TMEM176A: variants seen among roughly 807,000 people sequenced by gnomAD.
TMEM176A encodes transmembrane protein 176A.
TMEM176A carries 20 observed loss-of-function variants against 27.9 expected under a neutral mutation model. The ratio of observed to expected loss-of-function variants is 0.72; its 90% confidence interval spans 0.50 to 1.04. The LOEUF is 1.04. TMEM176A is among the 50% of genes least tolerant of loss of function. TMEM176A has a pLI of 0.00. For synonymous variants in TMEM176A, 125 were observed against 118.0 expected, an observed-to-expected ratio of 1.06 and a Z score of -0.38; for missense variants, 252 against 289.1, an observed-to-expected ratio of 0.87 and a Z score of 0.93.
chr7:150,802,180 C>A lies in TMEM176A; in HGVS notation c.175-35C>A, dbSNP rs933016980. On this transcript the variant is annotated intron_variant, in intron 2 of 6. Coordinates refer to ENST00000004103, the MANE Select transcript of TMEM176A (RefSeq NM_018487.3). ...TTAATCCCTGCAGTGGCAGGTCCAC[C>A]TAGGAGCCGGGATCTTGGGTCCTTT... 1.9e-6 allele frequency: 3 copies of A among 1,592,870 alleles called. No individual in the cohort carries two copies. In the African/African-American group the frequency reaches 4.0e-5, roughly 21 times the overall value.
Position 150,801,218 on chromosome 7 carries a change from G to T in TMEM176A, c.-15-318G>T, listed in dbSNP as rs868298738. ...AGGCCGCAGGAAGAGCCCGGGAGGA[G>T]GGGGTGAGGGGTCGAGGTGTGGGGC... On this transcript the variant is annotated intron_variant, in intron 1 of 6. Transcript: ENST00000004103. 82 of 228,284 alleles carry T rather than the reference G, an allele frequency of 3.6e-4. No individual in the cohort carries two copies. The Middle Eastern group carries it at 7.1e-3, about 20-fold the overall frequency. 14.1% of individuals were successfully genotyped at this position (228,284 alleles called of 1,614,324 possible).
intron 3 of TMEM176A, 162 bp from the exon 4 acceptor site, chr7:150,803,238 G>C: frequency 7.3e-7 from 1 of 1,368,290 alleles, no homozygotes. Flanking sequence ...GTTGGATCCA[G>C]GCTCCACCCT....
intron 5 of TMEM176A, 40 bp from the exon 6 acceptor site, chr7:150,804,319 AGCT>A: frequency 6.7e-7 from 1 of 1,484,262 alleles, no homozygotes; most frequent in Non-Finnish European, 9.4e-7. Context: ...GCAGGAAGGC[AGCT>A]GTCATCCTGG....
intron 3 of TMEM176A, 73 bp from the exon 4 acceptor site, chr7:150,803,327 C>T (rs1798855443): frequency 4.6e-6 from 7 of 1,506,108 alleles, no homozygotes; most frequent in Admixed American, 4.7e-5. Context: ...GAAGGGCCTG[C>T]ATGGAGGCTC....
At chr7:150,804,526 G>A in intron 6 of TMEM176A, 54 bp downstream of exon 6, 1 of 1,481,728 alleles carries the variant, frequency 6.7e-7, no homozygotes, top group Non-Finnish European at 9.4e-7. Context: ...CTGCTCAAAG[G>A]AGACAGGAAT....
At chr7:150,800,927 C>T in intron 1 of TMEM176A, 99 bp downstream of exon 1, 1 of 985,634 alleles carries the variant, frequency 1.0e-6, no homozygotes, top group Non-Finnish European at 1.2e-6. Context: ...GGACCCCCAC[C>T]CAGGGATGAC....
rs1362009523 is a variant in TMEM176A, at chr7:150,804,807, T to C, written c.667-20T>C. Reference sequence around the variant, plus strand: ...CTTTCTCTCCCACTCACGATTGTCTTGCCTTTCCTCTTCCATTAGAAAAGA... The same window carrying C: ...CTTTCTCTCCCACTCACGATTGTCTCGCCTTTCCTCTTCCATTAGAAAAGA... On this transcript the variant is annotated intron_variant, in intron 6 of 6. Coordinates refer to ENST00000004103, the MANE Select transcript of TMEM176A (RefSeq NM_018487.3). 2 of 1,614,092 alleles carry C rather than the reference T, an allele frequency of 1.2e-6. No individual in the cohort carries two copies. Among genetic ancestry groups the C allele is most frequent in the Non-Finnish European group, 1.7e-6 (2 of 1,179,924 alleles).
intron 3 of TMEM176A, 100 bp downstream of exon 3, chr7:150,802,425 C>A: frequency 9.4e-7 from 1 of 1,069,338 alleles, no homozygotes; most frequent in South Asian, 1.4e-5. Context: ...TGCTGGCAGT[C>A]GGAGAGATCT....
chr7:150,803,637 G>C lies in TMEM176A; in HGVS notation c.360G>C (p.Leu120=). 6.2e-7 allele frequency: 1 copy of C among 1,613,970 alleles called. No homozygotes were observed. The highest frequency in any genetic ancestry group is 1.3e-5 in the African/African-American group (1 of 75,028). The change falls in exon 5 of 7, where the codon CTG becomes CTC. Residue 120 remains leucine, a synonymous_variant. Transcript: ENST00000004103. ...GGTYWALLRT[L]LTLAAFSTAI... ...CTCCCCAGGCCCTGCTGAGGACTCTGCTAACGCTGGCAGCTTTCTCCACAG... is the reference window on the plus strand; with the variant it reads ...CTCCCCAGGCCCTGCTGAGGACTCTCCTAACGCTGGCAGCTTTCTCCACAG...
At position 150,803,732 on chromosome 7, in the gene TMEM176A, G is replaced by GC. The variant is rs760145922; in HGVS notation, c.456dup (p.Ile153HisfsTer6). Reference sequence around the variant, plus strand: ...TACTCTTATTACAACAGTGCCTGCCGCATCTCCAGCTCGAGTGACTGGAAC... The same window carrying GC: ...TACTCTTATTACAACAGTGCCTGCCGCCATCTCCAGCTCGAGTGACTGGAAC... On this transcript the variant is annotated frameshift_variant, in exon 5 of 7. Transcript: ENST00000004103. LOFTEE classifies it high-confidence loss of function. 4 of 1,614,036 alleles carry GC rather than the reference G, an allele frequency of 2.5e-6. No homozygotes were observed. The African/African-American group carries it at 4.0e-5, about 16-fold the overall frequency.
rs982670946 is a variant in TMEM176A at position 150,803,470 on chromosome 7, A to C, written c.342+14A>C. ...GGTACATACTGGGTAAGTTCAGGGA[A>C]GGGCATGGGAGGGGACCAGGTTCAG... On this transcript the variant is annotated intron_variant, in intron 4 of 6. Transcript: ENST00000004103. The C allele has an allele frequency of 6.3e-7, 1 of 1,584,358 alleles. No homozygotes were observed. The highest frequency in any genetic ancestry group is 1.4e-5 in the African/African-American group (1 of 73,948).
intron 6 of TMEM176A, 152 bp from the exon 7 acceptor site, chr7:150,804,675 C>T (rs2116743708): frequency 1.1e-6 from 1 of 939,478 alleles, no homozygotes; most frequent in Non-Finnish European, 1.7e-6. Context: ...TCAAAGAGCC[C>T]AGGAATCCAG....
chr7:150,801,095 G>A (rs1019997440), intron 1 of TMEM176A: 8 of 629,132 alleles, frequency 1.3e-5, no homozygotes, highest in Non-Finnish European at 1.6e-5. Flanking sequence ...CGGGGATGGG[G>A]GTATCCGGAG....
intron 6 of TMEM176A, 24 bp downstream of exon 6, chr7:150,804,496 G>A (rs747384925): frequency 6.3e-7 from 1 of 1,589,046 alleles, no homozygotes; most frequent in East Asian, 2.2e-5. Context: ...GTGTGTGCCT[G>A]TGTATTTGGG....
At chr7:150,802,869 C>T in intron 3 of TMEM176A, 1 of 988,234 alleles carries the variant, frequency 1.0e-6, no homozygotes, top group East Asian at 1.1e-4. Context: ...ATTACCTTCA[C>T]CCAGCCTGTG....
chr7:150,802,091 C>G, intron 2 of TMEM176A, 124 bp from the exon 3 acceptor site: 2 of 699,682 alleles, frequency 2.9e-6, no homozygotes, highest in Non-Finnish European at 4.9e-6. Context: ...CTTCTCTTCT[C>G]TTCTCTTCTC....
At chr7:150,801,386 T>C (rs1210313299) in intron 1 of TMEM176A, 150 bp from the exon 2 acceptor site, 3 of 715,800 alleles carry the variant, frequency 4.2e-6, no homozygotes, top group Non-Finnish European at 6.8e-6. Flanking sequence ...CACATTCCCC[T>C]CGTGAGGGGC....
chr7:150,804,414 T>G lies in TMEM176A; in HGVS notation c.608T>G (p.Leu203Arg), dbSNP rs773585424. 1 of 1,614,118 alleles carries G rather than the reference T, an allele frequency of 6.2e-7. No individual in the cohort carries two copies. Among genetic ancestry groups the G allele is most frequent in the African/African-American group, 1.3e-5 (1 of 74,932 alleles). Reference protein sequence around the residue: ...AMLLGVWILLLLASLTPLWLY... With the variant: ...AMLLGVWILLRLASLTPLWLY... ...CTCTTGGGTGTCTGGATTCTGCTGC[T>G]TCTGGCATCTCTGACCCCTCTGTGG... Residue 203 changes from leucine (L) to arginine (R), a missense_variant, in exon 6 of 7, where the codon CTT (leucine) becomes CGT (arginine). Leu to Arg is a moderately radical substitution (Grantham distance 102). Transcript: ENST00000004103.
intron 2 of TMEM176A, 91 bp downstream of exon 2, chr7:150,801,815 G>C: frequency 8.1e-7 from 1 of 1,234,544 alleles, no homozygotes; most frequent in Non-Finnish European, 1.1e-6. Flanking sequence ...CTCTGAACAG[G>C]ACACCGAGCC....
Sources: allele counts gnomAD v4.1 joint callset, GRCh38; gene constraint gnomAD v4.1.1; transcripts MANE v1.5; gene names NCBI Gene and HGNC (gene_info 2026-07-23, HGNC 2026-07-21).